The following CHD1L variants were observed in gnomAD, a reference collection of about 807,000 sequenced individuals.
CHD1L encodes the protein chromodomain helicase DNA binding protein 1 like, also known as ATP-dependent chromatin remodeler CHD1L.
A neutral mutation model predicts 115.9 loss-of-function variants in CHD1L; 118 were observed. That is an observed-to-expected ratio of 1.02 (90% CI 0.88 to 1.19). CHD1L has a LOEUF of 1.19. CHD1L is among the 50% of genes most tolerant of loss of function. The pLI, the probability that CHD1L is intolerant of heterozygous loss-of-function variation, is 0.00. For missense variants in CHD1L, 1,179 were observed against 1,065.3 expected (o/e 1.11, Z -1.49); for synonymous variants, 411 against 387.1 (o/e 1.06, Z -0.72).
chr1:147,234,203 C>T, the CHD1L span, among the ~76,000 whole-genome samples: 20 of 152,322 alleles, frequency 1.3e-4, no homozygotes, highest in Non-Finnish European at 2.4e-4. Flanking sequence ...CAATAAACAG[C>T]GTGGGCTCCC....
the CHD1L span, among the ~76,000 whole-genome samples, chr1:147,176,640 A>T: frequency 6.6e-6 from 1 of 152,214 alleles, no homozygotes; most frequent in African/African-American, 2.4e-5. Flanking sequence ...GTGACTAAAT[A>T]TTCACTGCAA....
At chr1:147,265,295 A>T (rs1263697812) in intron 7 of CHD1L, among the ~76,000 whole-genome samples, 2 of 152,228 alleles carry the variant, frequency 1.3e-5, no homozygotes, top group African/African-American at 4.8e-5. Flanking sequence ...CTGACAAAAT[A>T]TAAGACTTCT....
chr1:147,219,754 TAAGAAAAA>T, the CHD1L span, among the ~76,000 whole-genome samples: 1 of 143,794 alleles, frequency 7.0e-6, no homozygotes, highest in Non-Finnish European at 1.5e-5. Context: ...AAAAAAAAAG[TAAGAAAAA>T]AAGAAAAAAA....
chr1:147,195,955 C>A, the CHD1L span, among the ~76,000 whole-genome samples: 1 of 152,042 alleles, frequency 6.6e-6, no homozygotes, highest in Non-Finnish European at 1.5e-5. Context: ...TTTTTATTGA[C>A]CCCAAGATCT....
the CHD1L span, chr1:147,224,232 G>T: frequency 3.9e-6 from 1 of 257,228 alleles, no homozygotes; most frequent in Non-Finnish European, 7.7e-6. Context: ...CCAATTACAT[G>T]GACAGATATG....
chr1:147,285,490 A>T lies in CHD1L; in HGVS notation c.2018+3A>T. The T allele has an allele frequency of 1.2e-6, 2 of 1,608,728 alleles. No individual in the cohort carries two copies. The highest frequency in any genetic ancestry group is 1.3e-5 in the African/African-American group (1 of 74,530). On this transcript the variant is annotated splice_donor_region_variant and intron_variant, in intron 17 of 22. Coordinates refer to ENST00000369258, the MANE Select transcript of CHD1L (RefSeq NM_004284.6). The stretch of plus-strand genomic sequence containing the variant: ...GAAGAGGCTGAACATAAGAAAAAGT[A>T]TGTCTGCGTTAACCAAGCTGGCGGC...
intron 1 of CHD1L, among the ~76,000 whole-genome samples, chr1:147,252,225 G>A (rs1030298939): frequency 6.6e-6 from 1 of 152,158 alleles, no homozygotes; most frequent in African/African-American, 2.4e-5. Context: ...ATATTTAAAT[G>A]GGTGCAATTA....
Position 147,255,946 on chromosome 1 carries a change from A to C in CHD1L, c.462+19A>C. 1.3e-6 allele frequency: 2 copies of C among 1,554,262 alleles called. No homozygotes were observed. The highest frequency in any genetic ancestry group is 2.7e-5 in the African/African-American group (2 of 73,720). ...CTATGAGGTATTCATTCGTTTCTCT[A>C]TAGCGAGAACTCCTAACCTGTGACC... On this transcript the variant is annotated intron_variant, in intron 4 of 22. Coordinates refer to ENST00000369258, the MANE Select transcript of CHD1L (RefSeq NM_004284.6).
the CHD1L span, among the ~76,000 whole-genome samples, chr1:147,235,377 G>GA: frequency 6.6e-6 from 1 of 152,012 alleles, no homozygotes; most frequent in Non-Finnish European, 1.5e-5. Flanking sequence ...AGTTTCTTGT[G>GA]AAAAAATTTT....
intron 19 of CHD1L, among the ~76,000 whole-genome samples, chr1:147,291,022 G>A (rs1685319549): frequency 6.6e-6 from 1 of 152,130 alleles, no homozygotes. Context: ...CTTATGTAAA[G>A]CCATAGAATT....
chr1:147,293,506 C>A, intron 20 of CHD1L, 102 bp from the exon 21 acceptor site: 1 of 854,194 alleles, frequency 1.2e-6, no homozygotes, highest in Non-Finnish European at 1.9e-6. Context: ...CAGAGCCAAG[C>A]CCAAGTGACC....
At chr1:147,205,998 A>C in the CHD1L span, among the ~76,000 whole-genome samples, 1 of 151,954 alleles carries the variant, frequency 6.6e-6, no homozygotes, top group Non-Finnish European at 1.5e-5. Context: ...AATGGGAGAA[A>C]ATTTTTGCAA....
intron 5 of CHD1L, chr1:147,259,498 C>T (rs1290867731): frequency 1.2e-5 from 2 of 168,048 alleles, no homozygotes; most frequent in East Asian, 1.6e-4. Context: ...GCTTGCTATA[C>T]TCTTTTAGAC....
intron 12 of CHD1L, 84 bp from the exon 13 acceptor site, chr1:147,275,270 G>C (rs1677902599): frequency 1.0e-6 from 1 of 971,428 alleles, no homozygotes; most frequent in East Asian, 2.4e-5. Context: ...CAGTTTATCA[G>C]TCTGACCCAC....
the CHD1L span, among the ~76,000 whole-genome samples, chr1:147,191,144 A>T: frequency 6.6e-6 from 1 of 152,268 alleles, no homozygotes; most frequent in South Asian, 2.1e-4. Context: ...CAATAAACAT[A>T]CGTGTGCATG....
At chr1:147,270,436 A>T (rs1461993827) in intron 10 of CHD1L, among the ~76,000 whole-genome samples, 1 of 152,114 alleles carries the variant, frequency 6.6e-6, no homozygotes, top group Non-Finnish European at 1.5e-5. Flanking sequence ...TGTAGATGAG[A>T]GGATAGTGAC....
the CHD1L span, among the ~76,000 whole-genome samples, chr1:147,213,078 G>T: frequency 6.6e-6 from 1 of 152,020 alleles, no homozygotes; most frequent in South Asian, 2.1e-4. Context: ...TTGATACAAT[G>T]ACTAAAGTCA....
intron 16 of CHD1L, 151 bp downstream of exon 16, chr1:147,284,650 C>T (rs1682347538): frequency 4.3e-6 from 3 of 690,716 alleles, no homozygotes; most frequent in African/African-American, 1.9e-5. Flanking sequence ...ATTAACTATA[C>T]CCTAGTATAA....
intron 9 of CHD1L, 28 bp downstream of exon 9, chr1:147,267,546 T>A (rs1273651358): frequency 1.3e-6 from 2 of 1,549,234 alleles, no homozygotes; most frequent in Non-Finnish European, 1.8e-6. Flanking sequence ...CCCCCCACAT[T>A]ATTCTTTGGT....
Sources: gnomAD v4.1 joint callset for allele counts (sites outside exome capture counted in the v4.1 genomes callset) on GRCh38, gnomAD v4.1.1 for gene constraint, MANE v1.5 for transcripts, NCBI Gene and HGNC (gene_info 2026-07-23, HGNC 2026-07-21) for gene names.